ARHGAP32: variants seen among roughly 807,000 people sequenced by gnomAD.
ARHGAP32 encodes the protein Rho GTPase activating protein 32, also known as rho GTPase-activating protein 32.
A neutral mutation model predicts 186.5 loss-of-function variants in ARHGAP32; 51 were observed. The observed-to-expected ratio is 0.27, with a 90% CI of 0.22 to 0.35. ARHGAP32 has a LOEUF of 0.35. ARHGAP32 is among the 10% of genes least tolerant of loss of function. The pLI, the probability that ARHGAP32 is intolerant of heterozygous loss-of-function variation, is 1.00. For synonymous variants in ARHGAP32, 950 were observed against 964.3 expected (o/e 0.99, Z 0.27); for missense variants, 2,186 against 2,623.5 (o/e 0.83, Z 3.64).
rs144772671 is a variant in ARHGAP32 at position 129,150,972 on chromosome 11, G to T, written c.225+13347C>A. ...AAATTCCACCAACCGATTATTTGCT[G>T]TCTTCAAGAGACTCCCCTAAGGTGA... On this transcript the variant is annotated intron_variant, in intron 2 of 22. Transcript: ENST00000682385. 2.5e-3 allele frequency among the ~76,000 whole-genome samples: 379 copies of T among 151,618 alleles called. 7 individuals carry two copies. Among genetic ancestry groups the T allele is most frequent in the Admixed American group, 0.023 (351 of 15,224 alleles).
chr11:129,086,089 TG>T (rs1941384827), intron 6 of ARHGAP32, among the ~76,000 whole-genome samples: 1 of 148,560 alleles, frequency 6.7e-6, no homozygotes, highest in South Asian at 2.1e-4. Context: ...ACAGACAAAT[TG>T]ATCAATGGAG....
intron 1 of ARHGAP32, among the ~76,000 whole-genome samples, chr11:129,268,854 T>C (rs566484953): frequency 2.6e-5 from 4 of 152,236 alleles, no homozygotes; most frequent in Non-Finnish European, 2.9e-5. Context: ...GCTCCATTTC[T>C]AAAAGTGACT....
At chr11:129,062,722 T>C (rs1406740750) in intron 9 of ARHGAP32, among the ~76,000 whole-genome samples, 2 of 152,180 alleles carry the variant, frequency 1.3e-5, no homozygotes, top group Admixed American at 6.5e-5. Flanking sequence ...TTATAAAAGA[T>C]AATTTTAAAT....
intron 2 of ARHGAP32, among the ~76,000 whole-genome samples, chr11:129,138,743 A>G (rs905162354): frequency 6.6e-6 from 1 of 152,208 alleles, no homozygotes; most frequent in Admixed American, 6.5e-5. Flanking sequence ...TCAAAACACT[A>G]TAAACTCCAT....
At position 128,965,384 on chromosome 11, in the gene ARHGAP32, T is replaced by C. The variant is rs1033352598; in HGVS notation, c.*3523A>G. 6.6e-6 allele frequency: 1 copy of C among 152,166 alleles called. No individual in the cohort carries two copies. The highest frequency in any genetic ancestry group is 1.5e-5 in the Non-Finnish European group (1 of 68,030). The allele number at this position is 152,166 out of a possible 1,614,324, so 9.4% of individuals were successfully genotyped here. A position where few individuals can be genotyped will look rare whatever the true frequency, so the allele number is the denominator to read the frequency against. On this transcript the variant is annotated 3_prime_UTR_variant, in exon 23 of 23. Coordinates refer to ENST00000682385, the MANE Select transcript of ARHGAP32 (RefSeq NM_001378024.1). ...AATATTAAGACATAAAAAAACACTA[T>C]ATAAATTAAAATTAAAAACTCAAAA... is the stretch of plus-strand genomic sequence containing the variant.
chr11:129,252,823 C>T (rs7941354), intron 1 of ARHGAP32, among the ~76,000 whole-genome samples: 45,409 of 152,002 alleles, frequency 0.3, 7,114 homozygotes, highest in Middle Eastern at 0.4. Flanking sequence ...CCTTTGTAAA[C>T]GCTAATCCCT....
At chr11:129,264,921 A>G (rs1188366065) in intron 1 of ARHGAP32, among the ~76,000 whole-genome samples, 1 of 152,222 alleles carries the variant, frequency 6.6e-6, no homozygotes, top group Non-Finnish European at 1.5e-5. Flanking sequence ...TCTTCATAAG[A>G]GTAGGTGGGT....
chr11:129,071,388 T>C (rs1047719170), intron 6 of ARHGAP32, among the ~76,000 whole-genome samples: 4 of 151,702 alleles, frequency 2.6e-5, no homozygotes, highest in Non-Finnish European at 2.9e-5. Flanking sequence ...AATTAACCAA[T>C]GGGCAAAAGC....
chr11:128,979,816 C>CAA (rs1945657330), intron 18 of ARHGAP32, among the ~76,000 whole-genome samples: 1 of 152,128 alleles, frequency 6.6e-6, no homozygotes, highest in African/African-American at 2.4e-5. Context: ...GCAGAGACAT[C>CAA]AAAAATAACT....
chr11:129,068,915 A>G (rs1940785105), intron 6 of ARHGAP32, among the ~76,000 whole-genome samples: 1 of 152,130 alleles, frequency 6.6e-6, no homozygotes, highest in Non-Finnish European at 1.5e-5. Context: ...TTATGAATAT[A>G]ATCACAGATT....
intron 2 of ARHGAP32, among the ~76,000 whole-genome samples, chr11:129,147,595 A>G (rs577933148): frequency 9.8e-5 from 15 of 152,326 alleles, no homozygotes; most frequent in African/African-American, 2.9e-4. Context: ...TTATAGAAAA[A>G]TGAGAGTAAT....
upstream of ARHGAP32, among the ~76,000 whole-genome samples, chr11:129,195,378 G>C (rs1165476273): frequency 6.6e-6 from 1 of 152,136 alleles, no homozygotes; most frequent in South Asian, 2.1e-4. Context: ...CCTTTCAAAA[G>C]TGAAAACGTG....
chr11:129,259,772 T>G (rs1945298433), intron 1 of ARHGAP32, among the ~76,000 whole-genome samples: 1 of 152,218 alleles, frequency 6.6e-6, no homozygotes, highest in Non-Finnish European at 1.5e-5. Context: ...GTATTTTTAA[T>G]GACTATCACT....
At chr11:129,069,769 T>G (rs1046385460) in intron 6 of ARHGAP32, among the ~76,000 whole-genome samples, 1 of 152,018 alleles carries the variant, frequency 6.6e-6, no homozygotes, top group African/African-American at 2.4e-5. Flanking sequence ...TGTACAATTA[T>G]TCCATGGTAT....
At chr11:129,151,135 G>C (rs1405688530) in intron 2 of ARHGAP32, among the ~76,000 whole-genome samples, 1 of 151,812 alleles carries the variant, frequency 6.6e-6, no homozygotes, top group Non-Finnish European at 1.5e-5. Flanking sequence ...AAGACAAAGA[G>C]GGACATTATA....
At chr11:128,996,049 C>T (rs1172550249) in intron 12 of ARHGAP32, among the ~76,000 whole-genome samples, 1 of 152,152 alleles carries the variant, frequency 6.6e-6, no homozygotes, top group Admixed American at 6.5e-5. Flanking sequence ...CCTTCTGAAA[C>T]CAACGATTCT....
chr11:129,033,231 T>C (rs1338605414), intron 11 of ARHGAP32, among the ~76,000 whole-genome samples: 5 of 152,346 alleles, frequency 3.3e-5, no homozygotes, highest in African/African-American at 1.2e-4. Context: ...AAAGCTGTTA[T>C]CAACATTTCT....
At chr11:129,221,479 CTGTGTGTGTGTGTGTG>C (rs537808170) in intron 1 of ARHGAP32, among the ~76,000 whole-genome samples, 5,405 of 121,216 alleles carry the variant, frequency 0.045, 184 homozygotes, top group African/African-American at 0.1. Flanking sequence ...ATTGTCATTA[CTGTGTGTGTGTGTGTG>C]TGTGTGTGTG....
At chr11:129,191,693 C>T (rs529511757) in intron 1 of ARHGAP32, among the ~76,000 whole-genome samples, 9 of 151,934 alleles carry the variant, frequency 5.9e-5, no homozygotes, top group Middle Eastern at 6.8e-3. Context: ...CACACACACA[C>T]ACACACCACA....
Sources: allele counts gnomAD v4.1 joint callset (sites outside exome capture counted in the v4.1 genomes callset), GRCh38; gene constraint gnomAD v4.1.1; transcripts MANE v1.5; gene names NCBI Gene and HGNC (gene_info 2026-07-23, HGNC 2026-07-21).